The following GALNT13 variants were observed in gnomAD, a reference collection of about 807,000 sequenced individuals.
GALNT13 encodes polypeptide N-acetylgalactosaminyltransferase 13, also known as UDP-GalNAc:polypeptide N-acetylgalactosaminyltransferase 13.
GALNT13 carries 28 observed loss-of-function variants against 64.2 expected under a neutral mutation model. That is an observed-to-expected ratio of 0.44 (90% CI 0.32 to 0.60). The LOEUF is 0.60. GALNT13 is among the 20% of genes least tolerant of loss of function. The pLI is 0.05. For missense variants in GALNT13, 577 were observed against 669.8 expected (o/e 0.86, Z 1.53); for synonymous variants, 214 against 224.6 (o/e 0.95, Z 0.42).
At chr2:153,161,483 G>A in the GALNT13 span, among the ~76,000 whole-genome samples, 1 of 152,114 alleles carries the variant, frequency 6.6e-6, no homozygotes, top group African/African-American at 2.4e-5. Context: ...GTAAAACATA[G>A]ATCAAAGTAA....
the GALNT13 span, among the ~76,000 whole-genome samples, chr2:153,378,185 G>T: frequency 5.3e-5 from 8 of 151,686 alleles, no homozygotes; most frequent in Non-Finnish European, 1.2e-4. Flanking sequence ...CCATTATTTT[G>T]CCACTTTATT....
At chr2:154,197,789 A>G (rs755633811) in intron 4 of GALNT13, among the ~76,000 whole-genome samples, 20 of 152,182 alleles carry the variant, frequency 1.3e-4, no homozygotes, top group Middle Eastern at 6.8e-3. Context: ...TGTAGCATAT[A>G]TAACTGATGA....
the GALNT13 span, among the ~76,000 whole-genome samples, chr2:153,614,831 A>G: frequency 1.3e-5 from 2 of 152,124 alleles, no homozygotes; most frequent in East Asian, 3.9e-4. Flanking sequence ...TAAGCACACC[A>G]TGGAGTATTG....
chr2:153,211,154 G>C, the GALNT13 span, among the ~76,000 whole-genome samples: 2 of 148,166 alleles, frequency 1.3e-5, no homozygotes, highest in Admixed American at 6.7e-5. Context: ...TGTTGTTGTT[G>C]TTGAGACAGA....
the GALNT13 span, among the ~76,000 whole-genome samples, chr2:153,429,706 G>A: frequency 2.0e-5 from 3 of 151,864 alleles, no homozygotes; most frequent in South Asian, 2.1e-4. Context: ...CTGGTATTTC[G>A]AAGTACAAAA....
At chr2:153,746,045 C>A in the GALNT13 span, among the ~76,000 whole-genome samples, 2 of 152,020 alleles carry the variant, frequency 1.3e-5, no homozygotes, top group Non-Finnish European at 2.9e-5. Flanking sequence ...TATATACCAC[C>A]CTTACAATAG....
chr2:153,181,357 C>CA, the GALNT13 span, among the ~76,000 whole-genome samples: 33 of 144,860 alleles, frequency 2.3e-4, no homozygotes, highest in South Asian at 4.3e-4. Context: ...CCATTACTGT[C>CA]AAAAAAAAAA....
intron 2 of GALNT13, among the ~76,000 whole-genome samples, chr2:153,936,182 A>T (rs1690900080): frequency 1.3e-5 from 2 of 152,238 alleles, no homozygotes; most frequent in Non-Finnish European, 2.9e-5. Flanking sequence ...ATAGAAATAC[A>T]ACAATAAAAT....
At chr2:153,106,646 T>C in the GALNT13 span, among the ~76,000 whole-genome samples, 1 of 152,246 alleles carries the variant, frequency 6.6e-6, no homozygotes, top group African/African-American at 2.4e-5. Flanking sequence ...CAGTGTGAGG[T>C]GATGTATGCC....
the GALNT13 span, among the ~76,000 whole-genome samples, chr2:153,324,294 TTGTC>T: frequency 1.8e-4 from 27 of 152,302 alleles, no homozygotes; most frequent in African/African-American, 6.3e-4. Flanking sequence ...GGTTCTCTGC[TTGTC>T]TATTATTGGT....
chr2:153,714,385 T>G, the GALNT13 span, among the ~76,000 whole-genome samples: 1 of 152,222 alleles, frequency 6.6e-6, no homozygotes, highest in East Asian at 1.9e-4. Context: ...ATGGGTATCA[T>G]GTTTTTGATT....
chr2:153,734,202 G>C, the GALNT13 span, among the ~76,000 whole-genome samples: 17 of 152,180 alleles, frequency 1.1e-4, no homozygotes, highest in Admixed American at 5.2e-4. Flanking sequence ...CCTCTCTTCT[G>C]CACTGTAAGA....
At chr2:153,552,629 T>C in the GALNT13 span, among the ~76,000 whole-genome samples, 124 of 145,688 alleles carry the variant, frequency 8.5e-4, no homozygotes, top group African/African-American at 2.9e-3. Flanking sequence ...AAAGGCATCA[T>C]TGACAATTAG....
rs368475927 is a variant in GALNT13 at position 154,300,099 on chromosome 2, CTT to C, written c.976-1293_976-1292del. Among the ~76,000 whole-genome samples the C allele has an allele frequency of 2.1e-3, 244 of 117,044 alleles. 2 individuals are homozygous for C. Among genetic ancestry groups the C allele is most frequent in the African/African-American group, 7.0e-3 (218 of 31,134 alleles). The allele number at this position is 117,044 out of a possible 152,430, so 76.8% of individuals were successfully genotyped here. On this transcript the variant is annotated intron_variant, in intron 8 of 12. Transcript: ENST00000392825. ...ATAGTTTTTTTTTCTTTCTTTCTCT[CTT>C]TTTTTTTTTTTTTTTTGAGATAGAG...
intron 8 of GALNT13, among the ~76,000 whole-genome samples, chr2:154,267,657 C>A (rs752657826): frequency 2.0e-5 from 3 of 151,508 alleles, no homozygotes; most frequent in East Asian, 1.9e-4. Context: ...AACAAACAAA[C>A]AAAAAAACTT....
the GALNT13 span, chr2:153,478,528 C>G: frequency 2.5e-6 from 4 of 1,604,618 alleles, no homozygotes; most frequent in Admixed American, 6.7e-5. Flanking sequence ...CAGGAACAGG[C>G]CCGCCACGTC....
the GALNT13 span, among the ~76,000 whole-genome samples, chr2:153,693,585 GTACTT>G: frequency 2.6e-5 from 4 of 152,026 alleles, no homozygotes; most frequent in Non-Finnish European, 5.9e-5. Context: ...TGCGTGGCCT[GTACTT>G]TTTCCAAAGA....
At chr2:154,338,234 A>G (rs1238838230) in intron 9 of GALNT13, among the ~76,000 whole-genome samples, 1 of 152,186 alleles carries the variant, frequency 6.6e-6, no homozygotes, top group East Asian at 1.9e-4. Context: ...AATTCCTGCA[A>G]TATTGGTTTA....
chr2:153,478,621 G>A, the GALNT13 span: 1 of 1,383,222 alleles, frequency 7.2e-7, no homozygotes, highest in Non-Finnish European at 9.7e-7. Context: ...GGAAGGCGGC[G>A]GCGCTGGAGG....
Sources: gnomAD v4.1 joint callset for allele counts (sites outside exome capture counted in the v4.1 genomes callset) on GRCh38, gnomAD v4.1.1 for gene constraint, MANE v1.5 for transcripts, NCBI Gene and HGNC (gene_info 2026-07-23, HGNC 2026-07-21) for gene names.